PLXNA3: variants seen among roughly 807,000 people sequenced by gnomAD.
PLXNA3 encodes plexin-A3.
In PLXNA3, 52 loss-of-function variants were observed where a neutral mutation model predicts 118.8. The ratio of observed to expected loss-of-function variants is 0.44; its 90% CI spans 0.35 to 0.55. The LOEUF (loss-of-function observed/expected upper bound fraction) is 0.55, where lower values mean the gene tolerates loss of function less well. PLXNA3 is among the 20% of genes least tolerant of loss of function. The probability of loss-of-function intolerance (pLI) is 0.01; values close to 1 mark genes in which losing one functional copy is unlikely to be tolerated. For missense variants in PLXNA3, 1,660 were observed against 1,730.8 expected (o/e 0.96, Z 0.73); for synonymous variants, 925 against 762.4 (o/e 1.21, Z -3.51).
At chrX:154,464,594 CA>C in intron 9 of PLXNA3, 93 bp downstream of exon 9, 1 of 792,107 alleles carries the variant, frequency 1.3e-6, no homozygotes, top group South Asian at 2.4e-5. Flanking sequence ...TCTGGGGCAT[CA>C]GGGGCTAACT....
In PLXNA3 at chrX:154,460,646, A is replaced by G; in HGVS notation, c.463A>G (p.Ile155Val). ...GGAGCCCGACTCCATGGCTGGTGTC[A>G]TTGTGGAGCAGGGCCAGGGGCCCAG... ...AQEPDSMAGV[I>V]VEQGQGPSKL... The change falls in exon 2 of 33, where the codon ATT becomes GTT. Residue 155 changes from isoleucine (I) to valine (V), a missense_variant. Coordinates refer to ENST00000369682, the MANE Select transcript of PLXNA3 (RefSeq NM_017514.5). 1.7e-6 allele frequency: 2 copies of G among 1,178,635 alleles called. No individual in the cohort carries two copies. The highest frequency in any genetic ancestry group is 2.3e-6 in the Non-Finnish European group (2 of 877,904).
At position 154,469,103 on chromosome X, in the gene PLXNA3, A is replaced by G; in HGVS notation, c.4482A>G (p.Pro1494=). 1 of 1,211,455 alleles carries G rather than the reference A, an allele frequency of 8.3e-7. No individual in the cohort carries two copies. The highest frequency in any genetic ancestry group is 1.8e-5 in the South Asian group (1 of 57,045). The part of the protein sequence containing the change: ...CPENEGSAQV[P]VKVLNCDSIT... ...AGAACGAGGGCAGCGCCCAGGTCCC[A>G]GTGAAGGTTCTCAACTGTGACAGCA... is the stretch of plus-strand genomic sequence containing the variant. The change falls in exon 26 of 33, where the codon CCA becomes CCG. Residue 1494 remains proline, a synonymous_variant. Transcript: ENST00000369682.
chrX:154,477,241 A>G lies in PLXNA3; in HGVS notation c.*4556A>G, dbSNP rs1238496313. 2 of 112,556 alleles carry G rather than the reference A, an allele frequency of 1.8e-5. No individual in the cohort carries two copies. Among genetic ancestry groups the G allele is most frequent in the African/African-American group, 6.5e-5 (2 of 30,920 alleles). The allele number at this position is 112,556 out of a possible 1,213,427, so 9.3% of individuals were successfully genotyped here. A position where few individuals can be genotyped will look rare whatever the true frequency, so the allele number is the denominator to read the frequency against. On this transcript the variant is annotated 3_prime_UTR_variant, in exon 33 of 33. Transcript: ENST00000369682. ...TACAGTTAAGAGCTGCTCTGGTCCC[A>G]CACAGCACATCTTCAAAGCAAGACT...
rs368537535 is a variant in PLXNA3, at chrX:154,464,484, C to T, written c.1911C>T (p.Asn637=). 2.5e-6 allele frequency: 3 copies of T among 1,206,056 alleles called. No homozygotes were observed. Among genetic ancestry groups the T allele is most frequent in the Non-Finnish European group, 3.4e-6 (3 of 890,310 alleles). ...RFAGADFVFY[N]CSVLQSCMSC... ...CCGGTGCTGACTTTGTCTTCTACAA[C>T]TGCAGCGTCCTCCAGTCGTGAGTAC... Residue 637 remains asparagine, a synonymous_variant, in exon 9 of 33, where the codon AAC becomes AAT. Coordinates refer to ENST00000369682, the MANE Select transcript of PLXNA3 (RefSeq NM_017514.5).
At chrX:154,471,778 C>T (rs782036537) in intron 32 of PLXNA3, 140 bp downstream of exon 32, 5 of 522,689 alleles carry the variant, frequency 9.6e-6, no homozygotes, top group Non-Finnish European at 1.2e-5. Context: ...AGGTGATGCT[C>T]TCTGGGATCA....
rs1557207769 is a variant in PLXNA3 at position 154,467,649 on chromosome X, G to T, written c.3546G>T (p.Leu1182=). 1 of 1,210,225 alleles carries T rather than the reference G, an allele frequency of 8.3e-7. No individual in the cohort carries two copies. The highest frequency in any genetic ancestry group is 1.1e-6 in the Non-Finnish European group (1 of 895,275). The part of the protein sequence containing the change: ...CSLTVSDTQL[L]CDSPSQTGRQ... ...TCACTGTCTCGGACACACAACTCCT[G>T]TGCGACTCACCCAGCCAGACTGGCC... Residue 1182 remains leucine, a synonymous_variant, in exon 20 of 33, where the codon CTG becomes CTT. Coordinates refer to ENST00000369682, the MANE Select transcript of PLXNA3 (RefSeq NM_017514.5).
Position 154,466,024 on chromosome X carries a change from G to A in PLXNA3, c.2622G>A (p.Leu874=), listed in dbSNP as rs1344038337. ...GCCTCTTGTCCCGAGAGGTGGGCCTGCGGGTGGCTGGCGTGCGTTGCAACT... is the reference window on the plus strand; with the variant it reads ...GCCTCTTGTCCCGAGAGGTGGGCCTACGGGTGGCTGGCGTGCGTTGCAACT... ...NLGLLSREVG[L]RVAGVRCNSI... The change falls in exon 14 of 33, where the codon CTG becomes CTA. Residue 874 remains leucine, a synonymous_variant. Transcript: ENST00000369682. The A allele has an allele frequency of 3.3e-6, 4 of 1,209,279 alleles. No individual in the cohort carries two copies. Among genetic ancestry groups the A allele is most frequent in the Non-Finnish European group, 3.4e-6 (3 of 894,544 alleles).
rs1320932109 is a variant in PLXNA3 at position 154,460,499 on chromosome X, G to T, written c.316G>T (p.Ala106Ser). The change falls in exon 2 of 33, where the codon GCC becomes TCC. Residue 106 changes from alanine (A) to serine (S), a missense_variant. This residue lies in a region of PLXNA3 where 791 missense variants were observed against 652.1 expected (regional missense o/e 1.21). Transcript: ENST00000369682. ...CAAGCTGCTGCTCATAGACTATGCG[G>T]CCCGCCGCCTGGTGGCCTGCGGCAG... Reference protein sequence around the residue: ...INKLLLIDYAARRLVACGSIW... With the variant: ...INKLLLIDYASRRLVACGSIW... 8.3e-7 allele frequency: 1 copy of T among 1,208,684 alleles called. No individual in the cohort carries two copies.
intron 13 of PLXNA3, 38 bp from the exon 14 acceptor site, chrX:154,465,889 CCTGGGAGT>C: frequency 8.3e-7 from 1 of 1,210,210 alleles, no homozygotes; most frequent in East Asian, 3.0e-5. Context: ...CAACAGGGCC[CCTGGGAGT>C]CTGAGCCAAC....
In PLXNA3 at chrX:154,460,545, A is replaced by G; in HGVS notation, c.362A>G (p.Gln121Arg). The G allele has an allele frequency of 8.3e-7, 1 of 1,210,176 alleles. No individual in the cohort carries two copies. Among genetic ancestry groups the G allele is most frequent in the Non-Finnish European group, 1.1e-6 (1 of 894,780 alleles). ...ACGSIWQGIC[Q>R]FLRLDDLFKL... is the part of the protein sequence containing the mutation. ...GGCAGCATCTGGCAGGGCATCTGCC[A>G]GTTCCTGCGTCTGGACGACCTCTTC... The change falls in exon 2 of 33, where the codon CAG becomes CGG. Residue 121 changes from glutamine to arginine, a missense_variant. By Grantham distance (43) the Gln-to-Arg change is conservative. Around this residue, in one of 2 missense-constraint regions of PLXNA3, gnomAD observed 791 missense variants for 652.1 expected, o/e 1.21. Coordinates refer to ENST00000369682, the MANE Select transcript of PLXNA3 (RefSeq NM_017514.5).
At position 154,472,687 on chromosome X, in the gene PLXNA3, G is replaced by A; in HGVS notation, c.*2G>A. ...AGCCTCGTGTCCAGCGACAGCTAAGGTGGTGGAATCGGTGAGGAGGGGGCT... is the reference window on the plus strand; with the variant it reads ...AGCCTCGTGTCCAGCGACAGCTAAGATGGTGGAATCGGTGAGGAGGGGGCT... On this transcript the variant is annotated 3_prime_UTR_variant, in exon 33 of 33. Coordinates refer to ENST00000369682, the MANE Select transcript of PLXNA3 (RefSeq NM_017514.5). 8.5e-7 allele frequency: 1 copy of A among 1,173,172 alleles called. No individual in the cohort carries two copies. Among genetic ancestry groups the A allele is most frequent in the Non-Finnish European group, 1.2e-6 (1 of 860,120 alleles).
In PLXNA3 at chrX:154,465,994, C is replaced by T. The variant is rs782014938; in HGVS notation, c.2592C>T (p.Asn864=). 9.9e-6 allele frequency: 12 copies of T among 1,209,894 alleles called. No individual in the cohort carries two copies. In the Admixed American group the frequency reaches 2.2e-4, roughly 22 times the overall value. Residue 864 remains asparagine (N), a synonymous_variant, in exon 14 of 33, where the codon AAC becomes AAT. Transcript: ENST00000369682. ...CCCGGGTCACCATCGTGGGTGAGAA[C>T]CTGGGCCTCTTGTCCCGAGAGGTGG... ...GGTRVTIVGE[N]LGLLSREVGL...
chrX:154,469,601 T>G, intron 27 of PLXNA3, 87 bp from the exon 28 acceptor site: 1 of 601,079 alleles, frequency 1.7e-6, no homozygotes, highest in Non-Finnish European at 2.5e-6. Context: ...CCTGGGCTCG[T>G]GGGCTCCCCT....
At chrX:154,461,701 G>T in intron 3 of PLXNA3, 63 bp downstream of exon 3, 3 of 1,050,031 alleles carry the variant, frequency 2.9e-6, no homozygotes, top group Non-Finnish European at 3.8e-6. Context: ...TGCCCAGCGT[G>T]GGCTCACGGC....
Position 154,464,174 on chromosome X carries a change from C to T in PLXNA3, c.1689C>T (p.His563=), listed in dbSNP as rs144165306. ...TCCCCCAGCTGACCGTCACCCTGCACAACGTGCCAGACCTCAGTGCGGGCG... is the reference window on the plus strand; with the variant it reads ...TCCCCCAGCTGACCGTCACCCTGCATAACGTGCCAGACCTCAGTGCGGGCG... ...SPGVQLTVTL[H]NVPDLSAGVS... Residue 563 remains histidine, a synonymous_variant, in exon 8 of 33, where the codon CAC becomes CAT. Coordinates refer to ENST00000369682, the MANE Select transcript of PLXNA3 (RefSeq NM_017514.5). 10 of 1,208,585 alleles carry T rather than the reference C, an allele frequency of 8.3e-6. No homozygotes were observed. In the African/African-American group the frequency reaches 1.6e-4, roughly 19 times the overall value.
Position 154,473,958 on chromosome X carries a change from C to T in PLXNA3, c.*1273C>T, listed in dbSNP as rs1430344338. On this transcript the variant is annotated 3_prime_UTR_variant, in exon 33 of 33. Transcript: ENST00000369682. ...TCTCAGCGTGGGAGGCAGAGAGATC[C>T]TGTTATGATATAAGGTGGATCATGT... The T allele has an allele frequency of 1.8e-5, 2 of 111,541 alleles. No individual in the cohort carries two copies. The highest frequency in any genetic ancestry group is 3.8e-5 in the Non-Finnish European group (2 of 53,047). 9.2% of individuals were successfully genotyped at this position (111,541 alleles called of 1,213,427 possible). A position where few individuals can be genotyped will look rare whatever the true frequency, so the allele number is the denominator to read the frequency against.
At position 154,466,701 on chromosome X, in the gene PLXNA3, T is replaced by A; in HGVS notation, c.3015T>A (p.Ile1005=). The part of the protein sequence containing the change: ...GPSQAPITLA[I]DRANISSPGL... ...GCCAGGCCCCCATCACACTTGCCATTGACCGGGCTAACATCTCCAGCCCCG... is the reference window on the plus strand; with the variant it reads ...GCCAGGCCCCCATCACACTTGCCATAGACCGGGCTAACATCTCCAGCCCCG... Residue 1005 remains isoleucine, a synonymous_variant, in exon 17 of 33, where the codon ATT becomes ATA. Transcript: ENST00000369682. 3 of 1,200,271 alleles carry A rather than the reference T, an allele frequency of 2.5e-6. No individual in the cohort carries two copies. Among genetic ancestry groups the A allele is most frequent in the Non-Finnish European group, 3.4e-6 (3 of 889,504 alleles).
rs142165702 is a variant in PLXNA3 at position 154,462,247 on chromosome X, C to A, written c.1254C>A (p.Ala418=). 2.5e-6 allele frequency: 3 copies of A among 1,192,848 alleles called. No individual in the cohort carries two copies. The highest frequency in any genetic ancestry group is 2.3e-5 in the Admixed American group (1 of 43,743). Reference sequence around the variant, plus strand: ...GCACCGACGGCATGGCCAGCGTGGCCGCCTACACCTACCGCCAGCACTCTG... The same window carrying A: ...GCACCGACGGCATGGCCAGCGTGGCAGCCTACACCTACCGCCAGCACTCTG... ...ADSTDGMASV[A]AYTYRQHSVV... The change falls in exon 4 of 33, where the codon GCC becomes GCA. Residue 418 remains alanine (A), a synonymous_variant. Transcript: ENST00000369682.
chrX:154,469,905 C>T (rs2069156867), intron 28 of PLXNA3, 72 bp from the exon 29 acceptor site: 3 of 1,144,868 alleles, frequency 2.6e-6, no homozygotes, highest in Non-Finnish European at 3.6e-6. Flanking sequence ...TCCCCACATG[C>T]TGCTGAGCTC....
Sources: allele counts gnomAD v4.1 joint callset, GRCh38; gene constraint gnomAD v4.1.1; regional missense constraint gnomAD v4.1.1; transcripts MANE v1.5; gene names NCBI Gene and HGNC (gene_info 2026-07-23, HGNC 2026-07-21).